The following MLLT10 variants were observed in gnomAD, a reference collection of about 807,000 sequenced individuals.
MLLT10 encodes MLLT10 histone lysine methyltransferase DOT1L cofactor.
MLLT10 carries 30 observed loss-of-function variants against 129.1 expected under a neutral mutation model. The observed-to-expected ratio is 0.23, with a 90% confidence interval of 0.17 to 0.32. The LOEUF is 0.32. Among genes scored for constraint, MLLT10 ranks in the 10% least tolerant of loss-of-function variants. The pLI, the probability that MLLT10 is intolerant of heterozygous loss-of-function variation, is 1.00. For missense variants in MLLT10, 1,119 were observed against 1,268.3 expected, an observed-to-expected ratio of 0.88 and a Z score of 1.79; for synonymous variants, 490 against 446.4, an observed-to-expected ratio of 1.10 and a Z score of -1.23.
chr10:21,534,179 C>A, upstream of MLLT10: 2 of 388,174 alleles, frequency 5.2e-6, no homozygotes, highest in African/African-American at 2.1e-5. Context: ...GCAGCGCGCA[C>A]GCAGGGCTAG....
rs142798360 is a variant in MLLT10, at chr10:21,549,358, C to T, written c.240+10446C>T. Among the ~76,000 whole-genome samples, 854 of 152,242 alleles carry T rather than the reference C, an allele frequency of 5.6e-3. 3 individuals are homozygous for T. Among genetic ancestry groups the T allele is most frequent in the Middle Eastern group, 0.01 (3 of 294 alleles). On this transcript the variant is annotated intron_variant, in intron 3 of 22. Coordinates refer to ENST00000307729, the MANE Select transcript of MLLT10 (RefSeq NM_001195626.3). The stretch of plus-strand genomic sequence containing the variant: ...ATCTCCTGACCTCGTCATCCGCCCG[C>T]CTTGGCCTCCCAAAGTGCTAGGATT...
intron 5 of MLLT10, among the ~76,000 whole-genome samples, chr10:21,604,312 C>T (rs559869509): frequency 1.3e-5 from 2 of 152,258 alleles, no homozygotes; most frequent in East Asian, 1.9e-4. Flanking sequence ...ATTTCTATCT[C>T]TGCTGGGCAT....
Position 21,743,133 on chromosome 10 carries a change from C to T in MLLT10, c.*1150C>T, listed in dbSNP as rs1833885621. On this transcript the variant is annotated 3_prime_UTR_variant, in exon 23 of 23. Transcript: ENST00000307729. ...GATGTGACAGTACCGCAGAGTGATT[C>T]CCCCACTGAGGATGTCATCATCAAA... is the stretch of plus-strand genomic sequence containing the variant. 4.3e-6 allele frequency: 1 copy of T among 230,498 alleles called. No homozygotes were observed. Among genetic ancestry groups the T allele is most frequent in the African/African-American group, 2.2e-5 (1 of 45,290 alleles). The allele number at this position is 230,498 out of a possible 1,614,324, so 14.3% of individuals were successfully genotyped here. A position where few individuals can be genotyped will look rare whatever the true frequency, so the allele number is the denominator to read the frequency against.
In MLLT10 at chr10:21,606,954, G is replaced by A. The variant is rs1188379875; in HGVS notation, c.406-5394G>A. ...TGTTTTATGAAAGGAAGAGTCAATTGATATAGCCAACTTTATTGTTATAAA... is the reference window on the plus strand; with the variant it reads ...TGTTTTATGAAAGGAAGAGTCAATTAATATAGCCAACTTTATTGTTATAAA... On this transcript the variant is annotated intron_variant, in intron 5 of 22. Transcript: ENST00000307729. Among the ~76,000 whole-genome samples, 7 of 152,162 alleles carry A rather than the reference G, an allele frequency of 4.6e-5. No homozygotes were observed. The South Asian group carries it at 8.3e-4, about 18-fold the overall frequency.
intron 3 of MLLT10, among the ~76,000 whole-genome samples, chr10:21,562,898 C>G (rs549861611): frequency 6.9e-6 from 1 of 145,516 alleles, no homozygotes; most frequent in Non-Finnish European, 1.5e-5. Context: ...TGGCTCACCA[C>G]AGCCTCCGCC....
chr10:21,590,744 T>C (rs1276379056), intron 4 of MLLT10, among the ~76,000 whole-genome samples: 2 of 152,202 alleles, frequency 1.3e-5, no homozygotes. Flanking sequence ...TTTTCTTTGT[T>C]TTTATTTTTA....
At chr10:21,719,247 A>G (rs1011804601) in intron 14 of MLLT10, among the ~76,000 whole-genome samples, 2 of 152,236 alleles carry the variant, frequency 1.3e-5, no homozygotes, top group African/African-American at 4.8e-5. Context: ...TCTCAGGCAG[A>G]TTTAACTGAC....
intron 8 of MLLT10, among the ~76,000 whole-genome samples, chr10:21,617,603 G>T (rs1459081925): frequency 1.3e-5 from 2 of 151,758 alleles, no homozygotes; most frequent in Non-Finnish European, 2.9e-5. Context: ...TATATTCTTG[G>T]CTATTTTTTC....
At chr10:21,614,584 A>T in intron 6 of MLLT10, among the ~76,000 whole-genome samples, 1 of 152,210 alleles carries the variant, frequency 6.6e-6, no homozygotes, top group East Asian at 1.9e-4. Flanking sequence ...GTACATCTTC[A>T]TCCTAATATG....
chr10:21,729,544 C>T (rs150423282), intron 16 of MLLT10, among the ~76,000 whole-genome samples: 106 of 152,296 alleles, frequency 7.0e-4, no homozygotes, highest in African/African-American at 2.3e-3. Flanking sequence ...TGTTTAACAT[C>T]TTACGAAAAT....
chr10:21,604,885 C>A (rs1232997837), intron 5 of MLLT10, among the ~76,000 whole-genome samples: 2 of 150,600 alleles, frequency 1.3e-5, no homozygotes, highest in African/African-American at 4.9e-5. Context: ...CTTATGACTG[C>A]TTAGTTCCTA....
intron 14 of MLLT10, among the ~76,000 whole-genome samples, chr10:21,716,719 T>G (rs1284439064): frequency 1.3e-5 from 2 of 151,582 alleles, no homozygotes; most frequent in African/African-American, 4.8e-5. Flanking sequence ...AAAGTAATTC[T>G]AGAAGTCTTA....
chr10:21,684,535 T>G (rs928326318), intron 13 of MLLT10, among the ~76,000 whole-genome samples: 2 of 152,188 alleles, frequency 1.3e-5, no homozygotes, highest in African/African-American at 2.4e-5. Flanking sequence ...TTGATCAGTT[T>G]AACTTCTTTT....
intron 3 of MLLT10, among the ~76,000 whole-genome samples, chr10:21,582,129 A>T (rs1044957866): frequency 2.0e-5 from 3 of 150,864 alleles, no homozygotes; most frequent in African/African-American, 4.9e-5. Context: ...TTTAATTTTT[A>T]AAAATTTTTT....
rs950414625 is a variant in MLLT10, at chr10:21,672,207, G to GTGTGTGTGTGTA, written c.1052-1140_1052-1139insGTGTGTGTATGT. Among the ~76,000 whole-genome samples, 646 of 150,250 alleles carry GTGTGTGTGTGTA rather than the reference G, an allele frequency of 4.3e-3. 7 individuals are homozygous for GTGTGTGTGTGTA. Among genetic ancestry groups the GTGTGTGTGTGTA allele is most frequent in the African/African-American group, 0.015 (600 of 40,712 alleles). ...TGTGTGTGTGTGTGTGTGTGTGTGTGTGTATTTTGAGACAGGGCCTTGCTT... is the reference window on the plus strand; with the variant it reads ...TGTGTGTGTGTGTGTGTGTGTGTGTGTGTGTGTGTGTATGTATTTTGAGACAGGGCCTTGCTT... On this transcript the variant is annotated intron_variant, in intron 10 of 22. Coordinates refer to ENST00000307729, the MANE Select transcript of MLLT10 (RefSeq NM_001195626.3).
intron 21 of MLLT10, chr10:21,738,449 A>C: frequency 7.8e-7 from 1 of 1,289,106 alleles, no homozygotes; most frequent in Non-Finnish European, 1.0e-6. Flanking sequence ...AGGAATTTTC[A>C]GCACAAATTA....
intron 6 of MLLT10, among the ~76,000 whole-genome samples, chr10:21,613,649 C>A (rs183208415): frequency 1.9e-4 from 28 of 151,084 alleles, no homozygotes; most frequent in Non-Finnish European, 3.5e-4. Context: ...CGCCTGTAAT[C>A]CCCAGCACTT....
At chr10:21,730,036 G>C (rs2057828863) in intron 16 of MLLT10, among the ~76,000 whole-genome samples, 1 of 152,034 alleles carries the variant, frequency 6.6e-6, no homozygotes, top group African/African-American at 2.4e-5. Flanking sequence ...GAGAGGCCTG[G>C]GCGGGAGGAA....
chr10:21,734,142 A>C lies in MLLT10; in HGVS notation c.2858+13A>C, dbSNP rs751409721. 7 of 1,579,518 alleles carry C rather than the reference A, an allele frequency of 4.4e-6. 1 individual carries two copies. In the South Asian group the frequency reaches 8.2e-5, roughly 18 times the overall value. ...CACTGACTAACAGGTAAGAAACTTA[A>C]GTATGTTTTGGGTTTTTTAGTATAA... On this transcript the variant is annotated intron_variant, in intron 20 of 22. Transcript: ENST00000307729.
Sources: gnomAD v4.1 joint callset for allele counts (sites outside exome capture counted in the v4.1 genomes callset) on GRCh38, gnomAD v4.1.1 for gene constraint, MANE v1.5 for transcripts, NCBI Gene and HGNC (gene_info 2026-07-23, HGNC 2026-07-21) for gene names.